VIP: variants seen among roughly 807,000 people sequenced by gnomAD.
The protein encoded by VIP is vasoactive intestinal peptide.
In VIP, 18 loss-of-function variants were observed where a neutral mutation model predicts 20.1. The ratio of observed to expected loss-of-function variants is 0.90; its 90% CI spans 0.62 to 1.33. The LOEUF (loss-of-function observed/expected upper bound fraction) is 1.33. Ranked by LOEUF, VIP falls within the 40% of genes most tolerant of loss-of-function variation. VIP has a pLI of 0.00. For synonymous variants in VIP, 70 were observed against 68.1 expected, an observed-to-expected ratio of 1.03 and a Z score of -0.14; for missense variants, 209 against 199.4, an observed-to-expected ratio of 1.05 and a Z score of -0.29.
Position 152,752,161 on chromosome 6 carries a change from T to C in VIP, c.-10-7T>C, listed in dbSNP as rs755878370. 2.1e-5 allele frequency: 34 copies of C among 1,607,432 alleles called. No homozygotes were observed. The highest frequency in any genetic ancestry group is 2.0e-5 in the Non-Finnish European group (24 of 1,174,594). ...CTGGAAGAACTGAGGTGATTCTCTC[T>C]CTTTAGAGGCACAGAAATGGACACC... is the stretch of plus-strand genomic sequence containing the variant. On this transcript the variant is annotated splice_region_variant and splice_polypyrimidine_tract_variant and intron_variant, in intron 1 of 6. Coordinates refer to ENST00000367244, the MANE Select transcript of VIP (RefSeq NM_003381.4).
Position 152,757,140 on chromosome 6 carries a change from G to T in VIP, c.512G>T (p.Ter171LeuextTer1). Reference sequence around the variant, plus strand: ...GACTTTCCAGAAGAGTTAGAAAAATGATGAAAAAGACCTTTGGAGCAAAGC... The same window carrying T: ...GACTTTCCAGAAGAGTTAGAAAAATTATGAAAAAGACCTTTGGAGCAAAGC... The part of the protein sequence containing the change: ...SPDFPEELEK[*>L] Residue 171 changes from the stop codon to leucine (L), a stop_lost, in exon 6 of 7, where the codon TGA (stop) becomes TTA (leucine). Transcript: ENST00000367244. 1.2e-6 allele frequency: 2 copies of T among 1,611,550 alleles called. No homozygotes were observed. The highest frequency in any genetic ancestry group is 1.7e-6 in the Non-Finnish European group (2 of 1,178,522).
intron 3 of VIP, among the ~76,000 whole-genome samples, chr6:152,754,698 C>T (rs2099730143): frequency 6.6e-6 from 1 of 151,844 alleles, no homozygotes; most frequent in African/African-American, 2.4e-5. Context: ...AAGTACAGAC[C>T]AAGTAGCTCT....
Position 152,752,233 on chromosome 6 carries a change from T to C in VIP, c.56T>C (p.Leu19Pro). 6.2e-7 allele frequency: 1 copy of C among 1,613,672 alleles called. No individual in the cohort carries two copies. Among genetic ancestry groups the C allele is most frequent in the South Asian group, 1.1e-5 (1 of 91,058 alleles). The stretch of plus-strand genomic sequence containing the variant: ...GTGCTCCTGACTCTTCTCAGTGTGC[T>C]CTTCTCACAGACTTCGGCATGGCCT... ...LLVLLTLLSVLFSQTSAWPLY... is the reference protein window; with the variant it reads ...LLVLLTLLSVPFSQTSAWPLY... Residue 19 changes from leucine (L) to proline (P), a missense_variant, in exon 2 of 7, where the codon CTC becomes CCC. By Grantham distance (98) the Leu-to-Pro change is moderately conservative. Transcript: ENST00000367244.
In VIP at chr6:152,754,289, G is replaced by T; in HGVS notation, c.230+1G>T. 6.3e-7 allele frequency: 1 copy of T among 1,594,088 alleles called. No individual in the cohort carries two copies. Among genetic ancestry groups the T allele is most frequent in the Non-Finnish European group, 8.5e-7 (1 of 1,171,440 alleles). ...ACACACCCTATTATGATGTATCCAG[G>T]TGAGTTTATTTTTATAAAACTATCC... is the stretch of plus-strand genomic sequence containing the variant. On this transcript the variant is annotated splice_donor_variant, in intron 3 of 6. Transcript: ENST00000367244. LOFTEE classifies it high-confidence loss of function.
intron 5 of VIP, 106 bp from the exon 6 acceptor site, chr6:152,756,990 C>A: frequency 9.6e-7 from 1 of 1,036,838 alleles, no homozygotes; most frequent in Non-Finnish European, 1.4e-6. Context: ...CCTCCCCATA[C>A]ACTTTCAGAG....
chr6:152,755,493 A>T, intron 4 of VIP, 120 bp downstream of exon 4: 1 of 598,162 alleles, frequency 1.7e-6, no homozygotes, highest in Non-Finnish European at 2.6e-6. Context: ...ATAATGTTTA[A>T]TTTAGTTAAA....
intron 2 of VIP, 61 bp from the exon 3 acceptor site, chr6:152,754,105 A>G: frequency 6.5e-7 from 1 of 1,550,296 alleles, no homozygotes; most frequent in African/African-American, 1.4e-5. Context: ...ATGGTTGCGG[A>G]ACCATACACA....
chr6:152,759,392 G>T lies in VIP; in HGVS notation c.*526G>T, dbSNP rs1014174278. 6.6e-6 allele frequency: 1 copy of T among 151,898 alleles called. No homozygotes were observed. Among genetic ancestry groups the T allele is most frequent in the Admixed American group, 6.6e-5 (1 of 15,204 alleles). The allele number at this position is 151,898 out of a possible 1,614,324, so 9.4% of individuals were successfully genotyped here. A position where few individuals can be genotyped will look rare whatever the true frequency, so the allele number is the denominator to read the frequency against. ...AGATAAAAAGACATTCTTCCAAAAA[G>T]ATTTTCAGAAAATATTATGTGTTTC... On this transcript the variant is annotated 3_prime_UTR_variant, in exon 7 of 7. Transcript: ENST00000367244.
At chr6:152,755,112 TC>T (rs2129074588) in intron 3 of VIP, among the ~76,000 whole-genome samples, 156 bp from the exon 4 acceptor site, 1 of 152,064 alleles carries the variant, frequency 6.6e-6, no homozygotes, top group East Asian at 1.9e-4. Context: ...CTAGAAGATC[TC>T]TTTTGTTAGG....
chr6:152,755,125 T>A (rs1406234817), intron 3 of VIP, 144 bp from the exon 4 acceptor site: 1 of 500,494 alleles, frequency 2.0e-6, no homozygotes, highest in Non-Finnish European at 3.5e-6. Context: ...TTTGTTAGGG[T>A]GTTAAGAAAT....
intron 3 of VIP, among the ~76,000 whole-genome samples, 170 bp from the exon 4 acceptor site, chr6:152,755,099 T>C (rs1181984854): frequency 6.6e-6 from 1 of 151,946 alleles, no homozygotes; most frequent in Non-Finnish European, 1.5e-5. Context: ...TTGATATAAG[T>C]GACTAGAAGA....
intron 2 of VIP, among the ~76,000 whole-genome samples, chr6:152,753,899 C>T (rs1346756492): frequency 6.6e-6 from 1 of 151,980 alleles, no homozygotes; most frequent in African/African-American, 2.4e-5. Context: ...TTGCTTAATG[C>T]TCTGATAAGA....
At chr6:152,752,373 A>G in intron 2 of VIP, 89 bp downstream of exon 2, 2 of 1,075,354 alleles carry the variant, frequency 1.9e-6, no homozygotes, top group Non-Finnish European at 2.7e-6. Flanking sequence ...ACTAAATAGT[A>G]TAAATTATGT....
intron 1 of VIP, 139 bp from the exon 2 acceptor site, chr6:152,752,029 C>T (rs939109637): frequency 5.2e-6 from 3 of 576,676 alleles, no homozygotes; most frequent in Non-Finnish European, 9.2e-6. Context: ...TATCATCTTG[C>T]AATTTAACTC....
chr6:152,754,147 G>C lies in VIP; in HGVS notation c.108-19G>C. ...TCTGAAAAAAGAATGTATTATTCTC[G>C]TGTAACTTTCCCCATCAGGTTGGGT... On this transcript the variant is annotated intron_variant, in intron 2 of 6. Transcript: ENST00000367244. 1 of 1,605,752 alleles carries C rather than the reference G, an allele frequency of 6.2e-7. No individual in the cohort carries two copies. The highest frequency in any genetic ancestry group is 8.5e-7 in the Non-Finnish European group (1 of 1,176,258).
Position 152,756,256 on chromosome 6 carries a change from G to A in VIP, c.458G>A (p.Gly153Glu). Reference protein sequence around the residue: ...VKKYLNSILNGKRSSEGESPD... With the variant: ...VKKYLNSILNEKRSSEGESPD... Reference sequence around the variant, plus strand: ...AAATATTTGAACTCAATTCTGAATGGAAAGAGGAGGTAAAGAAAAAGAGAA... The same window carrying A: ...AAATATTTGAACTCAATTCTGAATGAAAAGAGGAGGTAAAGAAAAAGAGAA... Residue 153 changes from glycine to glutamate, a missense_variant, in exon 5 of 7, where the codon GGA (glycine) becomes GAA (glutamate). Coordinates refer to ENST00000367244, the MANE Select transcript of VIP (RefSeq NM_003381.4). 2.5e-6 allele frequency: 4 copies of A among 1,605,678 alleles called. No individual in the cohort carries two copies. The highest frequency in any genetic ancestry group is 3.4e-6 in the Non-Finnish European group (4 of 1,176,690).
chr6:152,756,252 A>G lies in VIP; in HGVS notation c.454A>G (p.Asn152Asp). 1 of 1,609,104 alleles carries G rather than the reference A, an allele frequency of 6.2e-7. No homozygotes were observed. Among genetic ancestry groups the G allele is most frequent in the Non-Finnish European group, 8.5e-7 (1 of 1,177,584 alleles). The change falls in exon 5 of 7, where the codon AAT becomes GAT. Residue 152 changes from asparagine to aspartate, a missense_variant. Coordinates refer to ENST00000367244, the MANE Select transcript of VIP (RefSeq NM_003381.4). ...AAAGAAATATTTGAACTCAATTCTG[A>G]ATGGAAAGAGGAGGTAAAGAAAAAG... ...AVKKYLNSIL[N>D]GKRSSEGESP...
At chr6:152,755,428 T>A in intron 4 of VIP, 55 bp downstream of exon 4, 3 of 1,117,806 alleles carry the variant, frequency 2.7e-6, no homozygotes, top group Non-Finnish European at 3.7e-6. Context: ...AATCTGAATA[T>A]TGTATTTTCA....
intron 3 of VIP, among the ~76,000 whole-genome samples, chr6:152,754,612 G>A (rs2099730128): frequency 1.3e-5 from 2 of 151,960 alleles, no homozygotes; most frequent in Admixed American, 1.3e-4. Context: ...TTGCCAAGGA[G>A]TTTTGTCTCT....
Sources: allele counts gnomAD v4.1 joint callset (sites outside exome capture counted in the v4.1 genomes callset), GRCh38; gene constraint gnomAD v4.1.1; transcripts MANE v1.5; gene names NCBI Gene and HGNC (gene_info 2026-07-23, HGNC 2026-07-21).